INSL6: variants seen among roughly 807,000 people sequenced by gnomAD.
INSL6 encodes the protein insulin-like peptide INSL6.
A neutral mutation model predicts 9.4 loss-of-function variants in INSL6; 16 were observed. The observed-to-expected ratio is 1.70, with a 90% CI of 1.15 to 2.59. The LOEUF (loss-of-function observed/expected upper bound fraction) is 2.59, where lower values mean the gene tolerates loss of function less well. Ranked by LOEUF, INSL6 falls within the 30% of genes most tolerant of loss-of-function variation. The pLI, the probability that INSL6 is intolerant of heterozygous loss-of-function variation, is 0.00. For synonymous variants in INSL6, 154 were observed against 96.9 expected, an observed-to-expected ratio of 1.59 and a Z score of -3.46; for missense variants, 391 against 257.3, an observed-to-expected ratio of 1.52 and a Z score of -3.56.
intron 3 of INSL6, chr9:5,126,462 TA>T: frequency 6.7e-7 from 1 of 1,499,978 alleles, no homozygotes; most frequent in Non-Finnish European, 9.2e-7. Context: ...AATTTTTTTT[TA>T]ATCCAGGGTA....
At chr9:5,174,942 CTT>C (rs113608121) in intron 1 of INSL6, among the ~76,000 whole-genome samples, 28 of 142,726 alleles carry the variant, frequency 2.0e-4, no homozygotes, top group Admixed American at 1.4e-4. Flanking sequence ...TGGAGTCATT[CTT>C]TTTTTTTTTT....
At chr9:5,060,146 T>G in the INSL6 span, among the ~76,000 whole-genome samples, 7 of 152,316 alleles carry the variant, frequency 4.6e-5, no homozygotes, top group Non-Finnish European at 7.4e-5. Flanking sequence ...TTTAAAACAC[T>G]TTATTGCTAA....
At chr9:5,013,901 C>A in the INSL6 span, among the ~76,000 whole-genome samples, 7 of 151,998 alleles carry the variant, frequency 4.6e-5, no homozygotes, top group African/African-American at 9.7e-5. Flanking sequence ...AGCTGAGATT[C>A]ATTTGTCATG....
In INSL6 at chr9:5,142,545, T is replaced by C. The variant is rs570845710; in HGVS notation, c.377-8953A>G. 1.2e-4 allele frequency among the ~76,000 whole-genome samples: 18 copies of C among 152,342 alleles called. No homozygotes were observed. In the South Asian group the frequency reaches 3.3e-3, roughly 28 times the overall value. The stretch of plus-strand genomic sequence containing the variant: ...TGAAATGCTAGTGATGTTCTGCAAA[T>C]TGATCTTGTATCCTGAGGCTTTGCT... On this transcript the variant is annotated intron_variant, in intron 2 of 3. Coordinates refer to the INSL6 transcript ENST00000649639.
chr9:5,134,702 A>G (rs1824358704), intron 2 of INSL6, among the ~76,000 whole-genome samples: 1 of 152,220 alleles, frequency 6.6e-6, no homozygotes, highest in African/African-American at 2.4e-5. Flanking sequence ...TAAACATGGA[A>G]GGAACAACCG....
the INSL6 span, among the ~76,000 whole-genome samples, chr9:5,007,797 G>C: frequency 6.6e-6 from 1 of 150,836 alleles, no homozygotes; most frequent in Admixed American, 6.6e-5. Context: ...TCTGAGCCTT[G>C]GCTCACTGCA....
intron 2 of INSL6, among the ~76,000 whole-genome samples, chr9:5,148,576 C>G (rs1824647635): frequency 6.6e-6 from 1 of 152,160 alleles, no homozygotes; most frequent in Admixed American, 6.5e-5. Context: ...CCTTACAGGA[C>G]CAGCCCTGTG....
At chr9:5,000,798 G>A in the INSL6 span, among the ~76,000 whole-genome samples, 1 of 152,170 alleles carries the variant, frequency 6.6e-6, no homozygotes, top group African/African-American at 2.4e-5. Context: ...TATTAAGTAA[G>A]AACTGGATAA....
the INSL6 span, chr9:5,072,777 T>C: frequency 5.8e-5 from 27 of 465,232 alleles, no homozygotes; most frequent in African/African-American, 1.0e-4. Context: ...TGTGGGGCTA[T>C]AGAATTACAG....
At chr9:5,088,781 A>G in the INSL6 span, among the ~76,000 whole-genome samples, 2 of 152,142 alleles carry the variant, frequency 1.3e-5, no homozygotes, top group Non-Finnish European at 2.9e-5. Context: ...GGAGAGAGAG[A>G]TTGCTCTAAT....
At chr9:5,121,927 C>T (rs984506798), downstream of INSL6, among the ~76,000 whole-genome samples, 2 of 152,136 alleles carry the variant, frequency 1.3e-5, no homozygotes, top group African/African-American at 4.8e-5. Context: ...TCTTCAAGAA[C>T]TTTGCATTCC....
At chr9:5,156,184 G>C (rs1473881696) in intron 2 of INSL6, among the ~76,000 whole-genome samples, 1 of 152,104 alleles carries the variant, frequency 6.6e-6, no homozygotes, top group African/African-American at 2.4e-5. Flanking sequence ...AATCTAAGTA[G>C]ATCTATAACT....
the INSL6 span, among the ~76,000 whole-genome samples, chr9:5,003,625 A>C: frequency 6.6e-6 from 1 of 152,056 alleles, no homozygotes; most frequent in Non-Finnish European, 1.5e-5. Context: ...TAAATTTCCT[A>C]CATATACAGA....
At chr9:5,016,247 C>G in the INSL6 span, among the ~76,000 whole-genome samples, 5 of 152,194 alleles carry the variant, frequency 3.3e-5, no homozygotes, top group African/African-American at 1.2e-4. Context: ...TGCCTTGTGA[C>G]TGACTGGATC....
At chr9:5,091,060 TCTTATAGTCATG>T in the INSL6 span, 1 of 583,808 alleles carries the variant, frequency 1.7e-6, no homozygotes, top group Non-Finnish European at 3.0e-6. Context: ...TTTTTTTAGG[TCTTATAGTCATG>T]GTTATAGTCC....
chr9:5,040,948 A>T, the INSL6 span: 2 of 452,328 alleles, frequency 4.4e-6, no homozygotes, highest in Admixed American at 3.2e-5. Context: ...GAGCCAAGGA[A>T]AGAATCTCTA....
the INSL6 span, among the ~76,000 whole-genome samples, chr9:5,009,128 A>G: frequency 9.2e-5 from 14 of 152,214 alleles, no homozygotes; most frequent in Non-Finnish European, 1.9e-4. Flanking sequence ...ACAGCAACAC[A>G]TAAGTTGGAA....
At chr9:5,032,461 C>T in the INSL6 span, among the ~76,000 whole-genome samples, 1 of 152,236 alleles carries the variant, frequency 6.6e-6, no homozygotes. Flanking sequence ...AAGTGGGTCC[C>T]TGAACCCCGA....
chr9:5,083,482 G>T, the INSL6 span, among the ~76,000 whole-genome samples: 6 of 152,076 alleles, frequency 3.9e-5, no homozygotes, highest in East Asian at 9.6e-4. Context: ...AGATGTCATT[G>T]ATTTTCCTCT....
Sources: gnomAD v4.1 joint callset for allele counts (sites outside exome capture counted in the v4.1 genomes callset) on GRCh38, gnomAD v4.1.1 for gene constraint, MANE v1.5 for transcripts, NCBI Gene and HGNC (gene_info 2026-07-23, HGNC 2026-07-21) for gene names.